The following ADGB variants were observed in gnomAD, a reference collection of about 807,000 sequenced individuals.
ADGB encodes the protein calpain-7-like protein.
ADGB carries 172 observed loss-of-function variants against 210.5 expected under a neutral mutation model. The observed-to-expected ratio is 0.82, with a 90% confidence interval of 0.72 to 0.93. The LOEUF (loss-of-function observed/expected upper bound fraction) is 0.93, where lower values mean the gene tolerates loss of function less well. Among genes scored for constraint, ADGB ranks in the 40% least tolerant of loss-of-function variants. The probability of loss-of-function intolerance (pLI) is 0.00; values close to 1 mark genes in which losing one functional copy is unlikely to be tolerated. For synonymous variants in ADGB, 658 were observed against 662.7 expected, an observed-to-expected ratio of 0.99 and a Z score of 0.11; for missense variants, 2,025 against 1,964.8, an observed-to-expected ratio of 1.03 and a Z score of -0.58.
At chr6:146,644,224 C>A (rs978237606) in intron 2 of ADGB, among the ~76,000 whole-genome samples, 6 of 151,374 alleles carry the variant, frequency 4.0e-5, no homozygotes, top group Non-Finnish European at 7.4e-5. Flanking sequence ...ATATAAGAAC[C>A]CATTGTATTA....
chr6:146,629,752 C>T (rs1781031799), intron 1 of ADGB, among the ~76,000 whole-genome samples: 1 of 152,042 alleles, frequency 6.6e-6, no homozygotes, highest in Admixed American at 6.5e-5. Flanking sequence ...CTTGATTTTT[C>T]AATTAATACT....
Position 146,811,461 on chromosome 6 carries a change from G to C in ADGB, c.4819-3571G>C, listed in dbSNP as rs1418147647. ...TGTGTTTATATATATATATATTCAG[G>C]ATATTCAGGTAGTGTGTGTAAATAT... On this transcript the variant is annotated intron_variant, in intron 35 of 35. Coordinates refer to ENST00000397944, the MANE Select transcript of ADGB (RefSeq NM_024694.4). Among the ~76,000 whole-genome samples, 3 of 149,936 alleles carry C rather than the reference G, an allele frequency of 2.0e-5. No homozygotes were observed. The East Asian group carries it at 5.9e-4, about 29-fold the overall frequency.
rs537529134 is a variant in ADGB at position 146,688,642 on chromosome 6, G to T, written c.1312-2474G>T. On this transcript the variant is annotated intron_variant, in intron 10 of 35. Coordinates refer to ENST00000397944, the MANE Select transcript of ADGB (RefSeq NM_024694.4). ...GGTTCTGGAATTAGCCCAGTGTCTG[G>T]AACAGTAAGTGACTTCCAAAGCTGT... 2.0e-5 allele frequency among the ~76,000 whole-genome samples: 3 copies of T among 152,274 alleles called. No individual in the cohort carries two copies. In the South Asian group the frequency reaches 6.2e-4, roughly 32 times the overall value.
rs1486951743 is a variant in ADGB at position 146,733,119 on chromosome 6, G to C, written c.2521-1G>C. 7.6e-6 allele frequency: 10 copies of C among 1,316,168 alleles called. No individual in the cohort carries two copies. The highest frequency in any genetic ancestry group is 1.0e-5 in the Non-Finnish European group (10 of 973,346). The allele number at this position is 1,316,168 out of a possible 1,614,324, so 81.5% of individuals were successfully genotyped here. On this transcript the variant is annotated splice_acceptor_variant, in intron 20 of 35. Coordinates refer to ENST00000397944, the MANE Select transcript of ADGB (RefSeq NM_024694.4). LOFTEE classifies it high-confidence loss of function. ...CTATAAAAAAAATTTATGTGTTTCAGGTTTTTCATCTTTCCTTATGGCGTT... is the reference window on the plus strand; with the variant it reads ...CTATAAAAAAAATTTATGTGTTTCACGTTTTTCATCTTTCCTTATGGCGTT...
At chr6:146,802,685 T>C (rs1164826190) in intron 35 of ADGB, 30 of 1,009,250 alleles carry the variant, frequency 3.0e-5, no homozygotes, top group Non-Finnish European at 4.0e-5. Flanking sequence ...AAAGAAAAAA[T>C]AGTTTTGATT....
rs558049473 is a variant in ADGB, at chr6:146,691,209, G to A, written c.1405G>A (p.Ala469Thr). The A allele has an allele frequency of 6.5e-7, 1 of 1,549,034 alleles. No homozygotes were observed. Among genetic ancestry groups the A allele is most frequent in the South Asian group, 1.2e-5 (1 of 83,908 alleles). ...TAGAAGTAGGTCTTGTCCTCTGGTA[G>A]CACCACCAAAACCACCTCCTCTACC... ...VTRSRSCPLV[A>T]PPKPPPLPPW... The change falls in exon 11 of 36, where the codon GCA becomes ACA. Residue 469 changes from alanine (A) to threonine (T), a missense_variant. Physicochemically the swap from Ala to Thr is moderately conservative, Grantham distance 58. Coordinates refer to ENST00000397944, the MANE Select transcript of ADGB (RefSeq NM_024694.4).
intron 17 of ADGB, 101 bp from the exon 18 acceptor site, chr6:146,724,085 T>G: frequency 1.1e-6 from 1 of 950,648 alleles, no homozygotes. Flanking sequence ...AATGCTTGAT[T>G]ATTGTTATTT....
intron 3 of ADGB, among the ~76,000 whole-genome samples, chr6:146,645,806 C>A (rs1775600744): frequency 1.3e-5 from 2 of 151,784 alleles, no homozygotes; most frequent in African/African-American, 4.8e-5. Context: ...AAATAATATC[C>A]TATCAGCCAG....
chr6:146,778,959 G>A (rs1777758950), intron 29 of ADGB, among the ~76,000 whole-genome samples: 1 of 151,198 alleles, frequency 6.6e-6, no homozygotes, highest in Admixed American at 6.6e-5. Flanking sequence ...AAAGTCTGCA[G>A]CAAAAAAAGT....
intron 16 of ADGB, among the ~76,000 whole-genome samples, chr6:146,720,961 G>C (rs929633034): frequency 6.6e-6 from 1 of 152,128 alleles, no homozygotes; most frequent in African/African-American, 2.4e-5. Context: ...GGAAGAGAGA[G>C]CTTATTTCAC....
chr6:146,656,777 A>G lies in ADGB; in HGVS notation c.409A>G (p.Arg137Gly). 6.5e-7 allele frequency: 1 copy of G among 1,529,798 alleles called. No individual in the cohort carries two copies. The highest frequency in any genetic ancestry group is 8.8e-7 in the Non-Finnish European group (1 of 1,135,682). The allele number at this position is 1,529,798 out of a possible 1,614,324, so 94.8% of individuals were successfully genotyped here. The change falls in exon 5 of 36, where the codon AGA becomes GGA. Residue 137 changes from arginine to glycine, a missense_variant. By Grantham distance (125) the Arg-to-Gly change is moderately radical. Transcript: ENST00000397944. The stretch of plus-strand genomic sequence containing the variant: ...TAATGTTTTTTATCTCTAGCTGATG[A>G]GATGGATTATCAGTGAAATCTATGC... ...NEHLLCSELMRWIISEIYAVW... is the reference protein window; with the variant it reads ...NEHLLCSELMGWIISEIYAVW...
intron 1 of ADGB, among the ~76,000 whole-genome samples, chr6:146,629,146 G>A (rs1268351333): frequency 6.6e-6 from 1 of 152,050 alleles, no homozygotes; most frequent in Non-Finnish European, 1.5e-5. Flanking sequence ...TTTAAATATT[G>A]AAAAATCATC....
chr6:146,808,245 G>T (rs113962637), intron 35 of ADGB, among the ~76,000 whole-genome samples: 3 of 152,078 alleles, frequency 2.0e-5, no homozygotes, highest in Admixed American at 2.0e-4. Context: ...AGTGATCTGC[G>T]CGCATCGGCC....
At chr6:146,623,783 C>G (rs1042803002) in intron 1 of ADGB, among the ~76,000 whole-genome samples, 1 of 151,784 alleles carries the variant, frequency 6.6e-6, no homozygotes, top group Non-Finnish European at 1.5e-5. Flanking sequence ...TTTTTGAGAT[C>G]AGGATTGACT....
At chr6:146,757,060 TTCA>T (rs1777417762) in intron 27 of ADGB, among the ~76,000 whole-genome samples, 1 of 152,046 alleles carries the variant, frequency 6.6e-6, no homozygotes, top group Non-Finnish European at 1.5e-5. Flanking sequence ...TTACCCATAA[TTCA>T]TCAACAAATA....
Position 146,717,596 on chromosome 6 carries a change from T to G in ADGB, c.1989T>G (p.Phe663Leu), listed in dbSNP as rs1250628354. 1 of 1,402,230 alleles carries G rather than the reference T, an allele frequency of 7.1e-7. No homozygotes were observed. Among genetic ancestry groups the G allele is most frequent in the Non-Finnish European group, 9.7e-7 (1 of 1,029,408 alleles). The allele number at this position is 1,402,230 out of a possible 1,614,324, so 86.9% of individuals were successfully genotyped here. A position where few individuals can be genotyped will look rare whatever the true frequency, so the allele number is the denominator to read the frequency against. ...GCCTTAACTTTCAAAAATCAGAATT[T>G]AAGGTAAGTATGTTAGAATCTTTTC... The part of the protein sequence containing the change: ...SYCLNFQKSE[F>L]KFSEERVSYY... The change falls in exon 16 of 36, where the codon TTT (phenylalanine) becomes TTG (leucine). Residue 663 changes from phenylalanine (F) to leucine (L), a missense_variant. Coordinates refer to ENST00000397944, the MANE Select transcript of ADGB (RefSeq NM_024694.4).
At chr6:146,611,173 G>A (rs769030301) in intron 1 of ADGB, among the ~76,000 whole-genome samples, 1 of 151,978 alleles carries the variant, frequency 6.6e-6, no homozygotes, top group South Asian at 2.1e-4. Context: ...TATGGAAGTG[G>A]TCACTAGGAA....
At position 146,691,173 on chromosome 6, in the gene ADGB, G is replaced by A. The variant is rs951220253; in HGVS notation, c.1369G>A (p.Val457Met). ...GCTTTCCCACATCTGTAGCCATCCTGTGCTGGTGACTAGAAGTAGGTCTTG... is the reference window on the plus strand; with the variant it reads ...GCTTTCCCACATCTGTAGCCATCCTATGCTGGTGACTAGAAGTAGGTCTTG... ...YGLSHICSHP[V>M]LVTRSRSCPL... is the part of the protein sequence containing the mutation. The change falls in exon 11 of 36, where the codon GTG becomes ATG. Residue 457 changes from valine to methionine, a missense_variant. Val to Met is a conservative substitution (Grantham distance 21). Transcript: ENST00000397944. 1.3e-6 allele frequency: 2 copies of A among 1,549,738 alleles called. No homozygotes were observed. The highest frequency in any genetic ancestry group is 3.9e-5 in the Admixed American group (2 of 50,730).
intron 19 of ADGB, among the ~76,000 whole-genome samples, chr6:146,727,372 T>C (rs1776912482): frequency 6.6e-6 from 1 of 152,118 alleles, no homozygotes. Context: ...CTAGCTCTCT[T>C]TCTCTCTTGC....
Sources: allele counts gnomAD v4.1 joint callset (sites outside exome capture counted in the v4.1 genomes callset), GRCh38; gene constraint gnomAD v4.1.1; transcripts MANE v1.5; gene names NCBI Gene and HGNC (gene_info 2026-07-23, HGNC 2026-07-21).